The following NOS1AP variants were observed in gnomAD, a reference collection of about 807,000 sequenced individuals.
The protein encoded by NOS1AP is carboxyl-terminal PDZ ligand of neuronal nitric oxide synthase protein.
NOS1AP carries 21 observed loss-of-function variants against 56.2 expected under a neutral mutation model. That is an observed-to-expected ratio of 0.37 (90% CI 0.26 to 0.54). NOS1AP has a LOEUF of 0.54. NOS1AP is among the 20% of genes least tolerant of loss of function. NOS1AP has a pLI of 0.84. For synonymous variants in NOS1AP, 270 were observed against 274.6 expected, an observed-to-expected ratio of 0.98 and a Z score of 0.17; for missense variants, 522 against 657.8, an observed-to-expected ratio of 0.79 and a Z score of 2.26.
intron 1 of NOS1AP, among the ~76,000 whole-genome samples, chr1:162,077,728 A>G (rs1360043226): frequency 7.9e-6 from 1 of 127,364 alleles, no homozygotes; most frequent in Non-Finnish European, 1.5e-5. Context: ...TCTCCTGGGC[A>G]CTGGCTTACT....
At chr1:162,345,109 CTTTG>C (rs1432427391) in intron 6 of NOS1AP, among the ~76,000 whole-genome samples, 1 of 151,712 alleles carries the variant, frequency 6.6e-6, no homozygotes, top group East Asian at 1.9e-4. Flanking sequence ...TTAATTCTCT[CTTTG>C]TTTATCTATA....
Position 162,367,044 on chromosome 1 carries a change from C to T in NOS1AP, c.1106-8C>T, listed in dbSNP as rs763566924. The T allele has an allele frequency of 3.7e-6, 6 of 1,613,756 alleles. No homozygotes were observed. The African/African-American group carries it at 6.7e-5, about 18-fold the overall frequency. On this transcript the variant is annotated splice_region_variant and splice_polypyrimidine_tract_variant and intron_variant, in intron 9 of 9. Coordinates refer to ENST00000361897, the MANE Select transcript of NOS1AP (RefSeq NM_014697.3). The surrounding 1 kb of genome is among the most constrained non-coding windows in gnomAD (Gnocchi z 6.5). ...CTGCCCCTCTGCTACCTCTTGTCTC[C>T]CCTGCAGTGGGCTCCCAGGACAGCT...
At chr1:162,168,816 G>A (rs1216214439) in intron 2 of NOS1AP, among the ~76,000 whole-genome samples, 1 of 152,050 alleles carries the variant, frequency 6.6e-6, no homozygotes, top group Non-Finnish European at 1.5e-5. Flanking sequence ...AAGTTATTTC[G>A]ATAATATAGT....
At chr1:162,223,306 T>G (rs1411795556) in intron 2 of NOS1AP, among the ~76,000 whole-genome samples, 1 of 152,224 alleles carries the variant, frequency 6.6e-6, no homozygotes, top group Non-Finnish European at 1.5e-5. Flanking sequence ...TTGTTTGTTT[T>G]TTGGTCTTGT....
In NOS1AP at chr1:162,357,901, A is replaced by C. The variant is rs973652978; in HGVS notation, c.939+765A>C. 3.4e-5 allele frequency among the ~76,000 whole-genome samples: 5 copies of C among 148,572 alleles called. No homozygotes were observed. In the East Asian group the frequency reaches 5.8e-4, roughly 17 times the overall value. Reference sequence around the variant, plus strand: ...GTCCACATCTTTCTTGGGAAGTCTGAGCTCCCTCTCTACCACCAGCACTCA... The same window carrying C: ...GTCCACATCTTTCTTGGGAAGTCTGCGCTCCCTCTCTACCACCAGCACTCA... On this transcript the variant is annotated intron_variant, in intron 8 of 9. Coordinates refer to ENST00000361897, the MANE Select transcript of NOS1AP (RefSeq NM_014697.3).
At chr1:162,275,657 G>A (rs1487524586) in intron 2 of NOS1AP, among the ~76,000 whole-genome samples, 3 of 152,104 alleles carry the variant, frequency 2.0e-5, no homozygotes, top group African/African-American at 4.8e-5. Flanking sequence ...TTTCCTATGG[G>A]AAAATAATCC....
At chr1:162,094,047 T>G (rs1169052988) in intron 1 of NOS1AP, among the ~76,000 whole-genome samples, 2 of 152,220 alleles carry the variant, frequency 1.3e-5, no homozygotes, top group Non-Finnish European at 2.9e-5. Context: ...TAAGTGCTTG[T>G]CTGTAACTTT....
intron 4 of NOS1AP, among the ~76,000 whole-genome samples, chr1:162,309,483 C>G (rs894554931): frequency 6.6e-6 from 1 of 152,134 alleles, no homozygotes; most frequent in African/African-American, 2.4e-5. Flanking sequence ...TTATCAAGTG[C>G]TGAAGCTTAG....
chr1:162,179,872 G>T (rs1460143052), intron 2 of NOS1AP, among the ~76,000 whole-genome samples: 1 of 152,206 alleles, frequency 6.6e-6, no homozygotes, highest in Non-Finnish European at 1.5e-5. Context: ...AATAAATATG[G>T]TGAGGTTTGC....
intron 1 of NOS1AP, among the ~76,000 whole-genome samples, chr1:162,116,504 C>T (rs76319014): frequency 0.023 from 3,444 of 152,180 alleles, 136 homozygotes; most frequent in African/African-American, 0.078. Flanking sequence ...TGGCATGGTT[C>T]GAGTCCCATA....
intron 2 of NOS1AP, among the ~76,000 whole-genome samples, chr1:162,226,578 GACCCTAACAGA>G (rs1652947449): frequency 6.6e-6 from 1 of 152,164 alleles, no homozygotes. Flanking sequence ...ATTGTAAGGG[GACCCTAACAGA>G]GTAACCTGAT....
chr1:162,259,968 A>G (rs1654156538), intron 2 of NOS1AP, among the ~76,000 whole-genome samples: 1 of 144,528 alleles, frequency 6.9e-6, no homozygotes, highest in Admixed American at 6.9e-5. Flanking sequence ...TATTCCAATC[A>G]ATTGTTTGGG....
intron 4 of NOS1AP, among the ~76,000 whole-genome samples, chr1:162,308,632 A>G (rs540501793): frequency 6.6e-6 from 1 of 152,324 alleles, no homozygotes; most frequent in East Asian, 1.9e-4. Flanking sequence ...TTCATTCTGC[A>G]GTGTTGCCCC....
chr1:162,148,381 A>T (rs1331138055), intron 1 of NOS1AP, among the ~76,000 whole-genome samples: 2 of 152,222 alleles, frequency 1.3e-5, no homozygotes. Context: ...GGAGAATTGC[A>T]TGGAGGTATG....
chr1:162,083,636 A>C (rs1353467111), intron 1 of NOS1AP, among the ~76,000 whole-genome samples: 3 of 152,142 alleles, frequency 2.0e-5, no homozygotes, highest in Non-Finnish European at 4.4e-5. Context: ...ATATGATTGA[A>C]ATTTTACCTT....
At chr1:162,080,808 T>A (rs942627554) in intron 1 of NOS1AP, among the ~76,000 whole-genome samples, 4 of 152,248 alleles carry the variant, frequency 2.6e-5, no homozygotes, top group African/African-American at 9.6e-5. Context: ...TTATAATTAC[T>A]GTCATTTAGA....
intron 4 of NOS1AP, among the ~76,000 whole-genome samples, chr1:162,322,116 G>C (rs1656442630): frequency 6.6e-6 from 1 of 152,230 alleles, no homozygotes; most frequent in South Asian, 2.1e-4. Context: ...GATTGTGATT[G>C]AGAGTGAGTT....
intron 4 of NOS1AP, among the ~76,000 whole-genome samples, chr1:162,311,536 A>G (rs1477885500): frequency 6.6e-6 from 1 of 151,968 alleles, no homozygotes; most frequent in Non-Finnish European, 1.5e-5. Context: ...CATGTGTCCA[A>G]GACCTTTCTT....
chr1:162,240,850 G>A (rs1449975518), intron 2 of NOS1AP, among the ~76,000 whole-genome samples: 1 of 152,232 alleles, frequency 6.6e-6, no homozygotes, highest in Non-Finnish European at 1.5e-5. Context: ...CCCTTGCAGA[G>A]TTCACAGTCT....
Sources: gnomAD v4.1 joint callset for allele counts (sites outside exome capture counted in the v4.1 genomes callset) on GRCh38, gnomAD v4.1.1 for gene constraint, Gnocchi (gnomAD v3.1) non-coding constraint, MANE v1.5 for transcripts, NCBI Gene and HGNC (gene_info 2026-07-23, HGNC 2026-07-21) for gene names.